THRB: variants seen among roughly 807,000 people sequenced by gnomAD.
THRB encodes the protein thyroid hormone receptor beta.
In THRB, 12 loss-of-function variants were observed where a neutral mutation model predicts 47.8. The observed-to-expected ratio is 0.25, with a 90% confidence interval of 0.16 to 0.41. The LOEUF is 0.41. THRB is among the 10% of genes least tolerant of loss of function. The pLI is 1.00. For missense variants in THRB, 348 were observed against 589.2 expected, an observed-to-expected ratio of 0.59 and a Z score of 4.24; for synonymous variants, 218 against 212.2, an observed-to-expected ratio of 1.03 and a Z score of -0.24.
intron 2 of THRB, among the ~76,000 whole-genome samples, chr3:24,312,588 A>G (rs1197365433): frequency 6.6e-6 from 1 of 152,194 alleles, no homozygotes; most frequent in Non-Finnish European, 1.5e-5. Flanking sequence ...CTCTCCTGCT[A>G]ATTTTGAGAA....
chr3:24,271,131 A>C (rs942326302), intron 3 of THRB, among the ~76,000 whole-genome samples: 3 of 152,232 alleles, frequency 2.0e-5, no homozygotes, highest in Non-Finnish European at 2.9e-5. Flanking sequence ...AGGCAGTAAA[A>C]AAGTTCTATA....
At chr3:24,368,004 C>T (rs2064603713) in intron 1 of THRB, among the ~76,000 whole-genome samples, 1 of 152,094 alleles carries the variant, frequency 6.6e-6, no homozygotes, top group African/African-American at 2.4e-5. Context: ...AGCACAAAAA[C>T]AGTTGGAGAG....
At chr3:24,206,668 G>A (rs826243) in intron 4 of THRB, among the ~76,000 whole-genome samples, 147,930 of 152,228 alleles carry the variant, frequency 0.97, 71,968 homozygotes, top group East Asian at 1. Flanking sequence ...AGAACTGAAG[G>A]AGATAGAGAT....
At chr3:24,216,619 T>A (rs560141654) in intron 4 of THRB, among the ~76,000 whole-genome samples, 11 of 151,258 alleles carry the variant, frequency 7.3e-5, no homozygotes, top group East Asian at 1.9e-4. Context: ...AAAAAAAAAA[T>A]ATATGAATTG....
intron 9 of THRB, among the ~76,000 whole-genome samples, chr3:24,131,028 G>C (rs192423400): frequency 1.9e-4 from 29 of 152,314 alleles, no homozygotes; most frequent in Non-Finnish European, 3.2e-4. Flanking sequence ...GTAACGATCT[G>C]CTTCTTTTGG....
At chr3:24,435,036 G>C (rs767039131) in intron 1 of THRB, among the ~76,000 whole-genome samples, 2 of 152,162 alleles carry the variant, frequency 1.3e-5, no homozygotes, top group African/African-American at 2.4e-5. Flanking sequence ...CAATAATTGA[G>C]GTCTGGGAGA....
chr3:24,437,672 G>C (rs1369091496), intron 1 of THRB, among the ~76,000 whole-genome samples: 2 of 151,924 alleles, frequency 1.3e-5, no homozygotes, highest in Admixed American at 1.3e-4. Context: ...AAAAAAGTTT[G>C]CTGGAAAAAA....
chr3:24,301,702 G>A (rs1337841505), intron 2 of THRB, among the ~76,000 whole-genome samples: 1 of 152,132 alleles, frequency 6.6e-6, no homozygotes, highest in African/African-American at 2.4e-5. Context: ...TCCCCAAAAA[G>A]TCCATGACTT....
At chr3:24,419,580 A>C (rs1347122907) in intron 1 of THRB, among the ~76,000 whole-genome samples, 1 of 151,964 alleles carries the variant, frequency 6.6e-6, no homozygotes, top group Admixed American at 6.6e-5. Context: ...ATCTAAAGTT[A>C]AAAATAGAAT....
intron 2 of THRB, among the ~76,000 whole-genome samples, chr3:24,323,232 T>C (rs1243485462): frequency 6.6e-6 from 1 of 152,122 alleles, no homozygotes; most frequent in African/African-American, 2.4e-5. Flanking sequence ...TTTTGGTTTT[T>C]TTTTTTTTGG....
chr3:24,466,962 C>T (rs2074205416), intron 1 of THRB, among the ~76,000 whole-genome samples: 1 of 152,196 alleles, frequency 6.6e-6, no homozygotes. Context: ...AAATGTTTCT[C>T]TGTAGTGTAT....
At chr3:24,442,314 C>A (rs1338049528) in intron 1 of THRB, among the ~76,000 whole-genome samples, 2 of 152,148 alleles carry the variant, frequency 1.3e-5, no homozygotes, top group African/African-American at 4.8e-5. Flanking sequence ...GATGAGGAAA[C>A]CACGGCACAG....
chr3:24,358,002 A>G (rs2063805414), intron 1 of THRB, among the ~76,000 whole-genome samples: 1 of 152,158 alleles, frequency 6.6e-6, no homozygotes, highest in South Asian at 2.1e-4. Context: ...TCTGTTGACT[A>G]GAATGGAAGC....
chr3:24,303,689 T>G (rs2057122137), intron 2 of THRB, among the ~76,000 whole-genome samples: 1 of 152,216 alleles, frequency 6.6e-6, no homozygotes, highest in African/African-American at 2.4e-5. Flanking sequence ...ACGTCTAATT[T>G]TACTACAAGG....
intron 5 of THRB, among the ~76,000 whole-genome samples, chr3:24,179,964 G>T (rs924696779): frequency 6.6e-6 from 1 of 152,178 alleles, no homozygotes; most frequent in African/African-American, 2.4e-5. Flanking sequence ...AAGGTAACAA[G>T]AAAGAAATTC....
At chr3:24,451,768 C>A (rs903414354) in intron 1 of THRB, among the ~76,000 whole-genome samples, 1 of 152,184 alleles carries the variant, frequency 6.6e-6, no homozygotes, top group Non-Finnish European at 1.5e-5. Context: ...AGACTTGCAG[C>A]CAATAAGCAC....
intron 5 of THRB, among the ~76,000 whole-genome samples, chr3:24,166,180 T>A (rs2149298294): frequency 6.6e-6 from 1 of 152,336 alleles, no homozygotes; most frequent in Admixed American, 6.5e-5. Flanking sequence ...TTCTACTTCA[T>A]AAGCACTAAT....
At chr3:24,146,933 T>C in intron 6 of THRB, 111 bp from the exon 7 acceptor site, 1 of 908,258 alleles carries the variant, frequency 1.1e-6, no homozygotes. Flanking sequence ...GACCTTAACC[T>C]GTTTCTAGGC....
chr3:24,353,352 T>A (rs7616013), intron 1 of THRB, among the ~76,000 whole-genome samples: 2,607 of 152,196 alleles, frequency 0.017, 82 homozygotes, highest in African/African-American at 0.057. Flanking sequence ...CAGCAACTCA[T>A]GTCACCCAGC....
Sources: gnomAD v4.1 joint callset for allele counts (sites outside exome capture counted in the v4.1 genomes callset) on GRCh38, gnomAD v4.1.1 for gene constraint, MANE v1.5 for transcripts, NCBI Gene and HGNC (gene_info 2026-07-23, HGNC 2026-07-21) for gene names.